Variants in LPIN1 observed in about 807,000 individuals in gnomAD.
LPIN1 encodes the protein phosphatidate phosphatase LPIN1.
A neutral mutation model predicts 107.5 loss-of-function variants in LPIN1; 71 were observed. The observed-to-expected ratio is 0.66, with a 90% CI of 0.55 to 0.80. The LOEUF is 0.80. Among genes scored for constraint, LPIN1 ranks in the 30% least tolerant of loss-of-function variants. The pLI, the probability that LPIN1 is intolerant of heterozygous loss-of-function variation, is 0.00. For synonymous variants in LPIN1, 445 were observed against 452.6 expected (o/e 0.98, Z 0.21); for missense variants, 1,043 against 1,160.6 (o/e 0.90, Z 1.47).
intron 1 of LPIN1, among the ~76,000 whole-genome samples, chr2:11,701,881 G>A (rs558200947): frequency 7.2e-5 from 11 of 152,288 alleles, no homozygotes; most frequent in African/African-American, 2.6e-4. Context: ...TGTCTGTTTG[G>A]TTTGGTCCGT....
chr2:11,800,667 T>C (rs1677551876), intron 14 of LPIN1, among the ~76,000 whole-genome samples: 1 of 152,012 alleles, frequency 6.6e-6, no homozygotes, highest in Admixed American at 6.6e-5. Context: ...AAGCTGTAGG[T>C]TGCATAGGAG....
In LPIN1 at chr2:11,825,130, G is replaced by A. The variant is rs1248244191; in HGVS notation, c.*339G>A. ...TGCAGTTTGGGGCTGTGAAACCTAG[G>A]CAGAAGGCGGCTGTCTGAGGGCTGT... On this transcript the variant is annotated 3_prime_UTR_variant, in exon 21 of 21. Coordinates refer to ENST00000674199, the MANE Select transcript of LPIN1 (RefSeq NM_001349206.2). This position sits in a 1 kb window ranked among gnomAD's most constrained non-coding sequence, Gnocchi z 4.1. 1 of 361,896 alleles carries A rather than the reference G, an allele frequency of 2.8e-6. No individual in the cohort carries two copies. Among genetic ancestry groups the A allele is most frequent in the Non-Finnish European group, 5.3e-6 (1 of 189,520 alleles). The allele number at this position is 361,896 out of a possible 1,614,324, so 22.4% of individuals were successfully genotyped here. A position where few individuals can be genotyped will look rare whatever the true frequency, so the allele number is the denominator to read the frequency against.
chr2:11,746,366 C>T (rs954440451), upstream of LPIN1, among the ~76,000 whole-genome samples: 4 of 152,172 alleles, frequency 2.6e-5, no homozygotes, highest in Non-Finnish European at 5.9e-5. Flanking sequence ...CGGCATAGGT[C>T]AAGTCAGAGT....
intron 1 of LPIN1, chr2:11,682,393 T>C (rs1558712441): frequency 1.3e-5 from 2 of 152,782 alleles, no homozygotes; most frequent in African/African-American, 4.8e-5. Context: ...ATGTTTGCGA[T>C]TGAACTCGTA....
rs763451353 is a variant in LPIN1 at position 11,824,923 on chromosome 2, G to A, written c.*132G>A. ...CATTGGCCTGACAGCAGAGAGAATT[G>A]AGAAGCATTTCTCCCCTGCCCCACC... On this transcript the variant is annotated 3_prime_UTR_variant, in exon 21 of 21. Coordinates refer to ENST00000674199, the MANE Select transcript of LPIN1 (RefSeq NM_001349206.2). The A allele has an allele frequency of 9.4e-6, 10 of 1,067,400 alleles. No homozygotes were observed. Among genetic ancestry groups the A allele is most frequent in the Admixed American group, 8.2e-5 (4 of 48,728 alleles). The allele number at this position is 1,067,400 out of a possible 1,614,324, so 66.1% of individuals were successfully genotyped here. A position where few individuals can be genotyped will look rare whatever the true frequency, so the allele number is the denominator to read the frequency against.
At chr2:11,736,433 C>T (rs1018141075) in intron 1 of LPIN1, among the ~76,000 whole-genome samples, 2 of 152,154 alleles carry the variant, frequency 1.3e-5, no homozygotes, top group Admixed American at 1.3e-4. Flanking sequence ...TGGTCTCCTC[C>T]TCTTCTTATA....
At chr2:11,717,554 C>T (rs919803354) in intron 2 of LPIN1, among the ~76,000 whole-genome samples, 9 of 150,460 alleles carry the variant, frequency 6.0e-5, no homozygotes, top group Admixed American at 2.0e-4. Context: ...TGGAAATCAT[C>T]GCATTCTTTA....
At chr2:11,817,824 G>A (rs887279251) in intron 18 of LPIN1, 1 of 151,436 alleles carries the variant, frequency 6.6e-6, no homozygotes, top group African/African-American at 2.4e-5. Flanking sequence ...TCCCAGCTAC[G>A]CGGGAGGCTG....
intron 3 of LPIN1, 94 bp downstream of exon 3, chr2:11,767,952 C>A: frequency 1.2e-6 from 1 of 834,056 alleles, no homozygotes; most frequent in Non-Finnish European, 2.1e-6. Context: ...CAAAGTAATA[C>A]CGGCCGTGGC....
chr2:11,799,120 C>T (rs950820882), intron 14 of LPIN1, among the ~76,000 whole-genome samples: 3 of 152,154 alleles, frequency 2.0e-5, no homozygotes, highest in African/African-American at 2.4e-5. Flanking sequence ...ACGTGGCAGC[C>T]GCAAATGACC....
chr2:11,721,505 C>T (rs1169653574), upstream of LPIN1: 2 of 152,178 alleles, frequency 1.3e-5, no homozygotes. Context: ...AACCCAGGTC[C>T]CCAGTTCCTC....
intron 1 of LPIN1, among the ~76,000 whole-genome samples, chr2:11,687,087 TC>T (rs35996411): frequency 1.3e-5 from 2 of 149,380 alleles, no homozygotes; most frequent in Non-Finnish European, 3.0e-5. Context: ...AGCCTCGAAT[TC>T]CTGGGCTCAA....
chr2:11,704,036 A>C (rs189205282), intron 1 of LPIN1, among the ~76,000 whole-genome samples: 43 of 152,348 alleles, frequency 2.8e-4, no homozygotes, highest in Admixed American at 2.4e-3. Context: ...GACAGGATTC[A>C]GCACACAAAG....
At chr2:11,698,159 C>G (rs936738087) in intron 1 of LPIN1, among the ~76,000 whole-genome samples, 2 of 152,188 alleles carry the variant, frequency 1.3e-5, no homozygotes, top group African/African-American at 4.8e-5. Flanking sequence ...GCTCCGGTGG[C>G]CATCCTCACT....
intron 1 of LPIN1, among the ~76,000 whole-genome samples, chr2:11,687,937 T>G (rs2148504965): frequency 6.6e-6 from 1 of 152,350 alleles, no homozygotes; most frequent in East Asian, 1.9e-4. Context: ...AACCTGTGCT[T>G]GACTCATCAC....
In LPIN1 at chr2:11,704,807, G is replaced by A. The variant is rs1017544045; in HGVS notation, c.82-8949G>A. On this transcript the variant is annotated intron_variant, in intron 1 of 21. Coordinates refer to the LPIN1 transcript ENST00000449576. ...TCTGCTCCATGGAGTTTCCTCTGCCGGGGATCCTGCTATCTGAATACCTCC... is the reference window on the plus strand; with the variant it reads ...TCTGCTCCATGGAGTTTCCTCTGCCAGGGATCCTGCTATCTGAATACCTCC... Among the ~76,000 whole-genome samples the A allele has an allele frequency of 2.1e-4, 32 of 152,252 alleles. 1 individual carries two copies. The highest frequency in any genetic ancestry group is 3.4e-3 in the Middle Eastern group (1 of 294).
upstream of LPIN1, among the ~76,000 whole-genome samples, chr2:11,723,053 A>T (rs1211938502): frequency 6.6e-6 from 1 of 152,198 alleles, no homozygotes; most frequent in Admixed American, 6.5e-5. Flanking sequence ...GGTACCATGA[A>T]CTAGAGACAA....
Position 11,773,601 on chromosome 2 carries a change from CT to C in LPIN1, c.597-8del, listed in dbSNP as rs754961080. 0.041 allele frequency: 40,504 copies of C among 977,192 alleles called. No homozygotes were observed. Among genetic ancestry groups the C allele is most frequent in the East Asian group, 0.059 (1,411 of 24,044 alleles). The allele number at this position is 977,192 out of a possible 1,614,324, so 60.5% of individuals were successfully genotyped here. On this transcript the variant is annotated intron_variant, in intron 4 of 20. Transcript: ENST00000674199. ...TCATTAAGAATTCTTTGACTTTAAT[CT>C]TTTTTTTTTTCCTCCAGAACTCTTC...
At chr2:11,788,977 G>A (rs1195700152) in intron 12 of LPIN1, among the ~76,000 whole-genome samples, 1 of 152,206 alleles carries the variant, frequency 6.6e-6, no homozygotes, top group Non-Finnish European at 1.5e-5. Flanking sequence ...GCCGTAGGGA[G>A]GAGTTAGGAG....
Sources: gnomAD v4.1 joint callset for allele counts (sites outside exome capture counted in the v4.1 genomes callset) on GRCh38, gnomAD v4.1.1 for gene constraint, Gnocchi (gnomAD v3.1) non-coding constraint, MANE v1.5 for transcripts, NCBI Gene and HGNC (gene_info 2026-07-23, HGNC 2026-07-21) for gene names.